The following CSMD3 variants were observed in gnomAD, a reference collection of about 807,000 sequenced individuals.
CSMD3 encodes the protein CUB and Sushi multiple domains 3.
In CSMD3, 177 loss-of-function variants were observed where a neutral mutation model predicts 435.2. The ratio of observed to expected loss-of-function variants is 0.41; its 90% CI spans 0.36 to 0.46. CSMD3 has a LOEUF of 0.46. Ranked by LOEUF, CSMD3 falls within the 20% of genes least tolerant of loss-of-function variation. The pLI, the probability that CSMD3 is intolerant of heterozygous loss-of-function variation, is 0.34. For synonymous variants in CSMD3, 1,656 were observed against 1,520.5 expected (o/e 1.09, Z -2.07); for missense variants, 4,265 against 4,504.6 (o/e 0.95, Z 1.52).
chr8:112,451,365 T>C (rs1010706452), intron 32 of CSMD3, among the ~76,000 whole-genome samples: 2 of 151,868 alleles, frequency 1.3e-5, no homozygotes, highest in African/African-American at 4.8e-5. Flanking sequence ...CATGGAAACA[T>C]GAAATGAAAA....
intron 13 of CSMD3, among the ~76,000 whole-genome samples, chr8:112,696,989 C>A (rs1168874955): frequency 6.6e-6 from 1 of 151,998 alleles, no homozygotes; most frequent in Non-Finnish European, 1.5e-5. Context: ...CTCATCATCA[C>A]TGGCCATCAG....
chr8:112,388,238 G>A lies in CSMD3; in HGVS notation c.5934+2426C>T, dbSNP rs77881349. On this transcript the variant is annotated intron_variant, in intron 36 of 70. Coordinates refer to ENST00000297405, the MANE Select transcript of CSMD3 (RefSeq NM_198123.2). The stretch of plus-strand genomic sequence containing the variant: ...GAGAACAGAGCACAACGGCATAATC[G>A]ACAGTGTCAAAAGAGATAAGGAGAT... Among the ~76,000 whole-genome samples the A allele has an allele frequency of 3.0e-3, 460 of 152,162 alleles. 4 individuals are homozygous for A. The highest frequency in any genetic ancestry group is 0.011 in the African/African-American group (447 of 41,526).
chr8:112,946,635 T>C (rs1326923947), intron 9 of CSMD3, among the ~76,000 whole-genome samples: 3 of 151,752 alleles, frequency 2.0e-5, no homozygotes, highest in African/African-American at 4.8e-5. Context: ...GATATAACCA[T>C]TAGTCATTAA....
In CSMD3 at chr8:112,587,319, C is replaced by T. The variant is rs1830816642; in HGVS notation, c.3716-84G>A. 1.7e-5 allele frequency: 18 copies of T among 1,028,958 alleles called. No homozygotes were observed. The South Asian group carries it at 2.1e-4, about 12-fold the overall frequency. The allele number at this position is 1,028,958 out of a possible 1,614,324, so 63.7% of individuals were successfully genotyped here. A position where few individuals can be genotyped will look rare whatever the true frequency, so the allele number is the denominator to read the frequency against. Reference sequence around the variant, plus strand: ...CAATATCATGTATGGAAGTGTTATGCATTTTATTTTACCTAAAGCCTAGTA... The same window carrying T: ...CAATATCATGTATGGAAGTGTTATGTATTTTATTTTACCTAAAGCCTAGTA... On this transcript the variant is annotated intron_variant, in intron 22 of 70. Transcript: ENST00000297405.
chr8:112,720,871 G>C (rs905695457), intron 13 of CSMD3, among the ~76,000 whole-genome samples: 14 of 152,290 alleles, frequency 9.2e-5, no homozygotes, highest in South Asian at 8.3e-4. Context: ...CAGAGGGAGA[G>C]AGTAATCTTC....
At chr8:112,711,950 A>T (rs888151369) in intron 13 of CSMD3, among the ~76,000 whole-genome samples, 1 of 152,122 alleles carries the variant, frequency 6.6e-6, no homozygotes, top group African/African-American at 2.4e-5. Flanking sequence ...GAAGAGTCCT[A>T]CTTAGGACAT....
At chr8:113,086,300 C>A (rs1010695019) in intron 5 of CSMD3, among the ~76,000 whole-genome samples, 1 of 151,268 alleles carries the variant, frequency 6.6e-6, no homozygotes, top group African/African-American at 2.4e-5. Context: ...CCTGATAACG[C>A]CCCATCCTGT....
intron 13 of CSMD3, among the ~76,000 whole-genome samples, chr8:112,785,936 G>A (rs1340681664): frequency 6.6e-6 from 1 of 151,844 alleles, no homozygotes; most frequent in African/African-American, 2.4e-5. Flanking sequence ...ATCCTAAAAT[G>A]TATATGGAAC....
At chr8:112,626,365 C>T (rs1305036903) in intron 22 of CSMD3, among the ~76,000 whole-genome samples, 1 of 152,024 alleles carries the variant, frequency 6.6e-6, no homozygotes, top group African/African-American at 2.4e-5. Flanking sequence ...GCCCTAGGTA[C>T]ATTTGAACCT....
At chr8:113,436,272 A>G (rs191927507) in intron 1 of CSMD3, among the ~76,000 whole-genome samples, 2 of 152,326 alleles carry the variant, frequency 1.3e-5, no homozygotes, top group Non-Finnish European at 1.5e-5. Flanking sequence ...AAGGGTTAAA[A>G]AGCATTTAGA....
At chr8:113,391,188 A>T (rs773792670) in intron 1 of CSMD3, among the ~76,000 whole-genome samples, 1 of 152,028 alleles carries the variant, frequency 6.6e-6, no homozygotes, top group Non-Finnish European at 1.5e-5. Flanking sequence ...ATTAAGATTA[A>T]GAAACTAGGT....
intron 3 of CSMD3, among the ~76,000 whole-genome samples, chr8:113,263,118 A>G (rs2093440235): frequency 6.6e-6 from 1 of 152,044 alleles, no homozygotes; most frequent in Admixed American, 6.6e-5. Context: ...TGTGCTTGTC[A>G]GTTACGACCA....
intron 32 of CSMD3, among the ~76,000 whole-genome samples, chr8:112,415,497 T>C (rs952332324): frequency 5.9e-5 from 9 of 152,196 alleles, no homozygotes; most frequent in African/African-American, 2.2e-4. Flanking sequence ...GCTAGGGCAC[T>C]GTGGAAGGGA....
chr8:112,895,181 T>C (rs1192038540), intron 10 of CSMD3, among the ~76,000 whole-genome samples: 3 of 151,412 alleles, frequency 2.0e-5, no homozygotes, highest in Non-Finnish European at 4.4e-5. Flanking sequence ...AGAGTTTATA[T>C]ACTAATGAGA....
At chr8:112,361,150 A>G (rs1435996462) in intron 38 of CSMD3, among the ~76,000 whole-genome samples, 2 of 151,938 alleles carry the variant, frequency 1.3e-5, no homozygotes, top group Admixed American at 1.3e-4. Context: ...AACAAAAGAC[A>G]TCAAAACATT....
At chr8:113,407,026 A>G (rs2094535861) in intron 1 of CSMD3, among the ~76,000 whole-genome samples, 1 of 152,134 alleles carries the variant, frequency 6.6e-6, no homozygotes, top group Admixed American at 6.6e-5. Context: ...TGTTGTGTTT[A>G]CCAAATTAGT....
chr8:112,342,907 C>T (rs188899052), intron 41 of CSMD3, among the ~76,000 whole-genome samples: 126 of 148,164 alleles, frequency 8.5e-4, no homozygotes, highest in Non-Finnish European at 3.9e-4. Context: ...ACTTTTATTA[C>T]AAACATTTTC....
In CSMD3 at chr8:112,263,652, T is replaced by C. The variant is rs2130380682; in HGVS notation, c.9849A>G (p.Val3283=). The C allele has an allele frequency of 6.2e-7, 1 of 1,613,500 alleles. No homozygotes were observed. The highest frequency in any genetic ancestry group is 1.3e-5 in the African/African-American group (1 of 75,014). ...CVGNGTWSGE[V]PQCLPKFCGD... ...AATCATACTTACGTAAGCACTGCGG[T>C]ACTTCACCACTCCAGGTACCATTCC... Residue 3283 remains valine (V), a synonymous_variant, in exon 61 of 71, where the codon GTA becomes GTG. Transcript: ENST00000297405.
chr8:113,298,954 A>G (rs1327032170), intron 2 of CSMD3, among the ~76,000 whole-genome samples: 4 of 152,134 alleles, frequency 2.6e-5, no homozygotes, highest in Non-Finnish European at 5.9e-5. Context: ...AAAATATTTC[A>G]CTGAATATTT....
Sources: allele counts gnomAD v4.1 joint callset (sites outside exome capture counted in the v4.1 genomes callset), GRCh38; gene constraint gnomAD v4.1.1; transcripts MANE v1.5; gene names NCBI Gene and HGNC (gene_info 2026-07-23, HGNC 2026-07-21).